Variants in IP6K3 observed in about 807,000 individuals in gnomAD.
The protein encoded by IP6K3 is inositol hexakisphosphate kinase 3.
A neutral mutation model predicts 28.8 loss-of-function variants in IP6K3; 20 were observed. That is an observed-to-expected ratio of 0.70 (90% CI 0.49 to 1.01). The LOEUF is 1.01. IP6K3 is among the 50% of genes least tolerant of loss of function. The probability of loss-of-function intolerance (pLI) is 0.00; values close to 1 mark genes in which losing one functional copy is unlikely to be tolerated. For missense variants in IP6K3, 480 were observed against 537.1 expected, an observed-to-expected ratio of 0.89 and a Z score of 1.05; for synonymous variants, 213 against 221.3, an observed-to-expected ratio of 0.96 and a Z score of 0.33.
intron 2 of IP6K3, among the ~76,000 whole-genome samples, chr6:33,734,707 T>C (rs778796121): frequency 6.6e-6 from 1 of 152,202 alleles, no homozygotes; most frequent in Non-Finnish European, 1.5e-5. Flanking sequence ...AGAACCCACC[T>C]TGTGCTCAGA....
the IP6K3 span, among the ~76,000 whole-genome samples, chr6:33,760,851 C>T: frequency 4.6e-5 from 7 of 151,856 alleles, no homozygotes; most frequent in African/African-American, 9.7e-5. Flanking sequence ...TAGAGCTGGC[C>T]GTTAGCCAGA....
At chr6:33,754,655 A>T in the IP6K3 span, among the ~76,000 whole-genome samples, 1 of 151,994 alleles carries the variant, frequency 6.6e-6, no homozygotes, top group Non-Finnish European at 1.5e-5. Flanking sequence ...TGGTCAGGGA[A>T]TTTGTTCTCT....
At chr6:33,727,855 TG>T (rs1436527341) in intron 3 of IP6K3, 1 of 985,356 alleles carries the variant, frequency 1.0e-6, no homozygotes, top group African/African-American at 1.7e-5. Context: ...CAACTCTGCC[TG>T]TGCATCAACT....
upstream of IP6K3, among the ~76,000 whole-genome samples, chr6:33,748,060 G>A (rs9469580): frequency 0.11 from 16,456 of 152,128 alleles, 1,157 homozygotes; most frequent in African/African-American, 0.19. Context: ...ACATCTGGCT[G>A]AAGTTCCCCT....
intron 5 of IP6K3, among the ~76,000 whole-genome samples, chr6:33,725,014 G>A (rs1766042966): frequency 6.6e-6 from 1 of 152,142 alleles, no homozygotes; most frequent in Non-Finnish European, 1.5e-5. Context: ...GGCCAAGGCG[G>A]GCAGATCACG....
chr6:33,736,685 C>A, intron 1 of IP6K3, among the ~76,000 whole-genome samples: 1 of 152,290 alleles, frequency 6.6e-6, no homozygotes, highest in East Asian at 1.9e-4. Context: ...GGATTACAGG[C>A]GTGAGCCACC....
the IP6K3 span, among the ~76,000 whole-genome samples, chr6:33,756,930 C>T: frequency 6.6e-6 from 1 of 152,244 alleles, no homozygotes; most frequent in African/African-American, 2.4e-5. Flanking sequence ...TTCGTGCTGG[C>T]TGCACTCTTC....
upstream of IP6K3, among the ~76,000 whole-genome samples, chr6:33,748,642 C>CAAAA (rs35735336): frequency 2.6e-3 from 98 of 38,336 alleles, 4 homozygotes; most frequent in African/African-American, 7.2e-3. Flanking sequence ...ACCCTGTCTC[C>CAAAA]AAAAAAAAAA....
In IP6K3 at chr6:33,722,663, A is replaced by G; in HGVS notation, c.*57T>C. On this transcript the variant is annotated 3_prime_UTR_variant, in exon 6 of 6. Coordinates refer to ENST00000293756, the MANE Select transcript of IP6K3 (RefSeq NM_054111.5). ...GGGTGTCTGGACTACCCTAGCAACC[A>G]ACAGGTCTCTATTTGAGATCTATAG... The G allele has an allele frequency of 2.4e-6, 3 of 1,242,260 alleles. No individual in the cohort carries two copies. Among genetic ancestry groups the G allele is most frequent in the African/African-American group, 1.5e-5 (1 of 66,606 alleles). The allele number at this position is 1,242,260 out of a possible 1,614,324, so 77.0% of individuals were successfully genotyped here.
At chr6:33,751,545 G>A (rs535309869), upstream of IP6K3, among the ~76,000 whole-genome samples, 79 of 151,440 alleles carry the variant, frequency 5.2e-4, no homozygotes, top group African/African-American at 1.9e-3. This position sits in a 1 kb window ranked among gnomAD's most constrained non-coding sequence, Gnocchi z 4.3. Context: ...GGAGGTGTGA[G>A]GGGAGCCACC....
At chr6:33,743,959 T>C (rs1002273874) in intron 1 of IP6K3, among the ~76,000 whole-genome samples, 3 of 152,050 alleles carry the variant, frequency 2.0e-5, no homozygotes, top group Admixed American at 1.3e-4. Context: ...TTAGAAACCC[T>C]TCAGCCACTG....
intron 1 of IP6K3, among the ~76,000 whole-genome samples, chr6:33,740,313 C>G (rs1423206647): frequency 6.6e-6 from 1 of 152,250 alleles, no homozygotes; most frequent in African/African-American, 2.4e-5. Context: ...CCCCAGGTCT[C>G]TGTGTCCTCC....
At chr6:33,756,651 A>G in the IP6K3 span, among the ~76,000 whole-genome samples, 1 of 152,148 alleles carries the variant, frequency 6.6e-6, no homozygotes, top group Admixed American at 6.6e-5. Flanking sequence ...GGGGTCAAGG[A>G]ATGAAACGGG....
At chr6:33,755,749 A>G in the IP6K3 span, among the ~76,000 whole-genome samples, 5 of 152,320 alleles carry the variant, frequency 3.3e-5, no homozygotes, top group Admixed American at 1.3e-4. Flanking sequence ...GCATGGCTGC[A>G]CTCCCTCTCC....
chr6:33,747,189 G>T (rs913572491), upstream of IP6K3, among the ~76,000 whole-genome samples: 6 of 152,270 alleles, frequency 3.9e-5, no homozygotes, highest in African/African-American at 1.2e-4. The surrounding 1 kb of genome is among the most constrained non-coding windows in gnomAD (Gnocchi z 5.2). Context: ...GTTATTTTTT[G>T]ATTCCTAATT....
At position 33,728,097 on chromosome 6, in the gene IP6K3, G is replaced by A. The variant is rs1466165252; in HGVS notation, c.403C>T (p.Pro135Ser). 2.5e-6 allele frequency: 4 copies of A among 1,604,152 alleles called. No homozygotes were observed. The highest frequency in any genetic ancestry group is 3.4e-6 in the Non-Finnish European group (4 of 1,179,858). ...QWPHAQLARS[P>S]KESPAKALLR... ...GCCCAGTGCCCTCACCTCTCCTTGG[G>A]TGAGCGTGCCAGCTGGGCATGCGGC... The change falls in exon 3 of 6, where the codon CCC (proline) becomes TCC (serine). Residue 135 changes from proline (P) to serine (S), a missense_variant. Physicochemically the swap from Pro to Ser is moderately conservative, Grantham distance 74. Coordinates refer to ENST00000293756, the MANE Select transcript of IP6K3 (RefSeq NM_054111.5).
At position 33,744,665 on chromosome 6, in the gene IP6K3, G is replaced by C. The variant is rs1488810531; in HGVS notation, c.-180+2093C>G. Among the ~76,000 whole-genome samples the C allele has an allele frequency of 1.3e-5, 2 of 152,194 alleles. No individual in the cohort carries two copies. Among genetic ancestry groups the C allele is most frequent in the Admixed American group, 6.5e-5 (1 of 15,274 alleles). On this transcript the variant is annotated intron_variant, in intron 1 of 5. Transcript: ENST00000293756. This position sits in a 1 kb window ranked among gnomAD's most constrained non-coding sequence, Gnocchi z 4.4. ...CCACCTCCTCACCCAGCCACTGGGG[G>C]ACACATTCTTGGAACTGCCCTAGGT...
chr6:33,739,734 G>T (rs142751230), intron 1 of IP6K3, among the ~76,000 whole-genome samples: 9 of 152,228 alleles, frequency 5.9e-5, no homozygotes, highest in African/African-American at 1.9e-4. Context: ...CACTTCTGCC[G>T]TTGGCATGGG....
chr6:33,722,810 C>T lies in IP6K3; in HGVS notation c.1143G>A (p.Glu381=), dbSNP rs1004096722. The part of the protein sequence containing the change: ...AHTTYKGYWN[E]HTTYDGPDPG... ...GGTCTGGTCCATCGTAGGTGGTGTG[C>T]TCATTCCAGTAGCCCTTGTATGTGG... Residue 381 remains glutamate (E), a synonymous_variant, in exon 6 of 6, where the codon GAG becomes GAA. Transcript: ENST00000293756. The T allele has an allele frequency of 1.2e-6, 2 of 1,614,162 alleles. No homozygotes were observed. The highest frequency in any genetic ancestry group is 8.5e-7 in the Non-Finnish European group (1 of 1,180,032).
Sources: gnomAD v4.1 joint callset for allele counts (sites outside exome capture counted in the v4.1 genomes callset) on GRCh38, gnomAD v4.1.1 for gene constraint, Gnocchi (gnomAD v3.1) non-coding constraint, MANE v1.5 for transcripts, NCBI Gene and HGNC (gene_info 2026-07-23, HGNC 2026-07-21) for gene names.